The following TLN2 variants were observed in gnomAD, a reference collection of about 807,000 sequenced individuals.
TLN2 encodes the protein talin-2.
Under a neutral mutation model 294.7 loss-of-function variants are expected in TLN2, and 118 were observed. The observed-to-expected ratio is 0.40, with a 90% CI of 0.34 to 0.47. The LOEUF is 0.47. Ranked by LOEUF, TLN2 falls within the 20% of genes least tolerant of loss-of-function variation. The pLI is 0.84. For missense variants in TLN2, 3,083 were observed against 3,282.2 expected, an observed-to-expected ratio of 0.94 and a Z score of 1.48; for synonymous variants, 1,431 against 1,304.5, an observed-to-expected ratio of 1.10 and a Z score of -2.09.
intron 42 of TLN2, among the ~76,000 whole-genome samples, chr15:62,775,584 A>C: frequency 6.6e-6 from 1 of 152,166 alleles, no homozygotes; most frequent in East Asian, 1.9e-4. Flanking sequence ...ATGGCTTTTC[A>C]ATTCAGACAT....
At chr15:62,436,783 G>A (rs1188623118) in intron 1 of TLN2, among the ~76,000 whole-genome samples, 1 of 152,222 alleles carries the variant, frequency 6.6e-6, no homozygotes, top group South Asian at 2.1e-4. Context: ...GAGTGCAGTA[G>A]CACAATCATA....
At chr15:62,616,721 C>T (rs971487604) in intron 2 of TLN2, among the ~76,000 whole-genome samples, 9 of 152,158 alleles carry the variant, frequency 5.9e-5, no homozygotes, top group Admixed American at 4.6e-4. Flanking sequence ...AGTCAGAGAG[C>T]CTTTGCTGTC....
At position 62,656,075 on chromosome 15, in the gene TLN2, CTTTATG is replaced by C; in HGVS notation, c.652_657del (p.Tyr218_Val219del). 1 of 1,614,152 alleles carries C rather than the reference CTTTATG, an allele frequency of 6.2e-7. No individual in the cohort carries two copies. On this transcript the variant is annotated inframe_deletion, in exon 8 of 59. Coordinates refer to ENST00000636159, the MANE Select transcript of TLN2 (RefSeq NM_015059.3). ...GAGAGACCCCGTGCAGCTGAACTTG[CTTTATG>C]TTCAGGTACAGTATTTACTGCTCAG...
intron 1 of TLN2, among the ~76,000 whole-genome samples, chr15:62,563,184 G>A (rs2140606409): frequency 6.6e-6 from 1 of 152,040 alleles, no homozygotes; most frequent in East Asian, 1.9e-4. Flanking sequence ...GTTTTCCATG[G>A]TGGTTGTACT....
chr15:62,470,598 G>C (rs764779341), intron 1 of TLN2, among the ~76,000 whole-genome samples: 5 of 152,222 alleles, frequency 3.3e-5, no homozygotes, highest in African/African-American at 4.8e-5. Flanking sequence ...GCAGCCCTAA[G>C]AGTGGCCTGG....
At chr15:62,620,612 G>A (rs2048717165) in intron 3 of TLN2, among the ~76,000 whole-genome samples, 1 of 151,682 alleles carries the variant, frequency 6.6e-6, no homozygotes, top group Non-Finnish European at 1.5e-5. Flanking sequence ...CCTAATAGCG[G>A]GCACTACAGG....
At chr15:62,736,093 A>G (rs2060995264) in intron 28 of TLN2, among the ~76,000 whole-genome samples, 1 of 152,114 alleles carries the variant, frequency 6.6e-6, no homozygotes, top group Admixed American at 6.5e-5. Flanking sequence ...TGGGCAGATC[A>G]TGAGGTCAGG....
At chr15:62,650,211 C>T in intron 5 of TLN2, 30 bp downstream of exon 5, 5 of 1,610,120 alleles carry the variant, frequency 3.1e-6, no homozygotes, top group Non-Finnish European at 4.3e-6. Flanking sequence ...GCTGTTTCTT[C>T]ATCCCTTTGT....
At position 62,520,148 on chromosome 15, in the gene TLN2, A is replaced by G. The variant is rs114223972; in HGVS notation, c.-237-69539A>G. On this transcript the variant is annotated intron_variant, in intron 1 of 58. Coordinates refer to ENST00000636159, the MANE Select transcript of TLN2 (RefSeq NM_015059.3). Reference sequence around the variant, plus strand: ...TTTTCTGCCACCAGGTCCCTCCAACAATATGTGGGAGTTATGGGTGCTACA... The same window carrying G: ...TTTTCTGCCACCAGGTCCCTCCAACGATATGTGGGAGTTATGGGTGCTACA... Among the ~76,000 whole-genome samples, 982 of 152,348 alleles carry G rather than the reference A, an allele frequency of 6.4e-3. 12 individuals are homozygous for G. Among genetic ancestry groups the G allele is most frequent in the African/African-American group, 0.022 (929 of 41,574 alleles).
rs117915080 is a variant in TLN2 at position 62,457,612 on chromosome 15, G to C, written c.-238+66927G>C. Among the ~76,000 whole-genome samples, 32 of 152,322 alleles carry C rather than the reference G, an allele frequency of 2.1e-4. No individual in the cohort carries two copies. In the East Asian group the frequency reaches 4.4e-3, roughly 21 times the overall value. ...GTTCTTACTGGGAGAGAGGGACAGC[G>C]TTCTGGTGGCGAGGCAGGGAGCTGG... On this transcript the variant is annotated intron_variant, in intron 1 of 58. Transcript: ENST00000636159.
intron 1 of TLN2, among the ~76,000 whole-genome samples, chr15:62,529,317 C>T (rs980452031): frequency 3.3e-5 from 5 of 152,132 alleles, no homozygotes; most frequent in Non-Finnish European, 7.4e-5. Flanking sequence ...TGGTCTCGAA[C>T]TCCTGGACTC....
Position 62,688,634 on chromosome 15 carries a change from T to A in TLN2, c.1113+1838T>A, listed in dbSNP as rs116156976. ...TCTTAACAGTAATTATGGATTTTTC[T>A]ACTTTTTCTTTCAGCTCTCAGTTTT... On this transcript the variant is annotated intron_variant, in intron 12 of 58. Coordinates refer to ENST00000636159, the MANE Select transcript of TLN2 (RefSeq NM_015059.3). Among the ~76,000 whole-genome samples the A allele has an allele frequency of 2.7e-3, 417 of 152,298 alleles. 2 individuals carry two copies. The highest frequency in any genetic ancestry group is 9.7e-3 in the African/African-American group (403 of 41,584).
At chr15:62,555,743 C>T (rs567541352) in intron 1 of TLN2, among the ~76,000 whole-genome samples, 74 of 152,170 alleles carry the variant, frequency 4.9e-4, no homozygotes, top group African/African-American at 1.6e-3. Flanking sequence ...ACAGTTTGCT[C>T]TTTTTGTGCC....
At chr15:62,788,572 A>G (rs1816116166) in intron 45 of TLN2, among the ~76,000 whole-genome samples, 1 of 152,228 alleles carries the variant, frequency 6.6e-6, no homozygotes, top group Admixed American at 6.5e-5. Context: ...CCCATTTCAC[A>G]GATAAGTAAA....
chr15:62,690,644 T>G (rs1179622909), intron 12 of TLN2, among the ~76,000 whole-genome samples: 3 of 148,326 alleles, frequency 2.0e-5, no homozygotes, highest in South Asian at 4.3e-4. Context: ...CTCGGCACTT[T>G]GGGAGGCCAA....
chr15:62,635,464 G>A (rs1222512514), intron 3 of TLN2, among the ~76,000 whole-genome samples: 5 of 152,174 alleles, frequency 3.3e-5, no homozygotes, highest in Admixed American at 2.0e-4. Flanking sequence ...GGAATATTAT[G>A]TAATTAGAAT....
intron 2 of TLN2, among the ~76,000 whole-genome samples, chr15:62,593,528 C>T (rs909380914): frequency 1.3e-5 from 2 of 152,128 alleles, no homozygotes; most frequent in African/African-American, 4.8e-5. Flanking sequence ...TAAGAAGCCC[C>T]CCTGGAGAAC....
At chr15:62,645,344 C>G (rs1174947260) in intron 3 of TLN2, 1 of 152,196 alleles carries the variant, frequency 6.6e-6, no homozygotes, top group Non-Finnish European at 1.5e-5. Flanking sequence ...AGGCAGATTC[C>G]CAGTGAACAC....
intron 21 of TLN2, 57 bp downstream of exon 21, chr15:62,708,853 G>A (rs1194296300): frequency 6.5e-7 from 1 of 1,532,936 alleles, no homozygotes; most frequent in Non-Finnish European, 8.8e-7. Flanking sequence ...CCTGATGGTG[G>A]TGCTAACCCA....
Sources: gnomAD v4.1 joint callset for allele counts (sites outside exome capture counted in the v4.1 genomes callset) on GRCh38, gnomAD v4.1.1 for gene constraint, MANE v1.5 for transcripts, NCBI Gene and HGNC (gene_info 2026-07-23, HGNC 2026-07-21) for gene names.